EIF3E: variants seen among roughly 807,000 people sequenced by gnomAD.
EIF3E encodes the protein eIF-3 p48.
EIF3E carries 25 observed loss-of-function variants against 59.3 expected under a neutral mutation model. The observed-to-expected ratio is 0.42, with a 90% CI of 0.31 to 0.59. The LOEUF is 0.59. Among genes scored for constraint, EIF3E ranks in the 20% least tolerant of loss-of-function variants. The pLI is 0.15. For missense variants in EIF3E, 317 were observed against 534.3 expected (o/e 0.59, Z 4.01); for synonymous variants, 176 against 170.2 (o/e 1.03, Z -0.26).
intron 12 of EIF3E, 102 bp from the exon 13 acceptor site, chr8:108,202,025 C>CCTG: frequency 9.1e-7 from 1 of 1,103,026 alleles, no homozygotes; most frequent in Non-Finnish European, 1.2e-6. Context: ...GCACTATAGT[C>CCTG]TCTTGCCAAA....
intron 7 of EIF3E, among the ~76,000 whole-genome samples, chr8:108,218,576 T>C (rs1815346230): frequency 6.6e-6 from 1 of 152,070 alleles, no homozygotes; most frequent in Non-Finnish European, 1.5e-5. Flanking sequence ...ATAAATAATT[T>C]CTAGGAAAAG....
chr8:108,222,153 C>T (rs1228578715), intron 7 of EIF3E, among the ~76,000 whole-genome samples: 1 of 131,176 alleles, frequency 7.6e-6, no homozygotes, highest in East Asian at 2.3e-4. Context: ...AACCATCCTC[C>T]TGCCCCAACC....
intron 2 of EIF3E, among the ~76,000 whole-genome samples, chr8:108,240,792 C>A (rs1033208332): frequency 1.3e-5 from 2 of 152,116 alleles, no homozygotes; most frequent in Non-Finnish European, 2.9e-5. Flanking sequence ...CCAGCCTGGC[C>A]AATATGGTGA....
intron 10 of EIF3E, among the ~76,000 whole-genome samples, chr8:108,209,346 G>T (rs1044163704): frequency 6.6e-6 from 1 of 152,016 alleles, no homozygotes; most frequent in African/African-American, 2.4e-5. Flanking sequence ...ATTTCATTTG[G>T]AGAGTTATCA....
At chr8:108,243,745 T>C (rs1206355608) in intron 1 of EIF3E, among the ~76,000 whole-genome samples, 2 of 151,982 alleles carry the variant, frequency 1.3e-5, no homozygotes, top group Non-Finnish European at 2.9e-5. Flanking sequence ...ATATGTATCA[T>C]TGACCAGTAC....
chr8:108,238,951 C>A (rs1815786792), intron 3 of EIF3E, among the ~76,000 whole-genome samples: 1 of 152,206 alleles, frequency 6.6e-6, no homozygotes, highest in Non-Finnish European at 1.5e-5. Context: ...ACATGTACTA[C>A]GTCAGACTAA....
intron 11 of EIF3E, 47 bp downstream of exon 11, chr8:108,203,354 T>A: frequency 6.6e-7 from 1 of 1,525,574 alleles, no homozygotes; most frequent in Non-Finnish European, 9.0e-7. Context: ...TTCCCAAAAG[T>A]ATAATCAGGA....
chr8:108,238,902 T>G (rs1263852604), intron 3 of EIF3E, among the ~76,000 whole-genome samples: 1 of 152,234 alleles, frequency 6.6e-6, no homozygotes, highest in Admixed American at 6.5e-5. Context: ...AGATTTTATT[T>G]TTAAATGTTT....
intron 10 of EIF3E, among the ~76,000 whole-genome samples, chr8:108,212,540 G>A (rs1345145655): frequency 3.3e-5 from 5 of 152,172 alleles, no homozygotes; most frequent in Admixed American, 2.6e-4. Flanking sequence ...AGTGGCTCAC[G>A]CCTGTAATCC....
At chr8:108,212,036 T>C (rs1815219450) in intron 10 of EIF3E, among the ~76,000 whole-genome samples, 1 of 152,226 alleles carries the variant, frequency 6.6e-6, no homozygotes, top group African/African-American at 2.4e-5. Context: ...GAATGTCAGA[T>C]ACCTTTAGTA....
intron 2 of EIF3E, among the ~76,000 whole-genome samples, 187 bp downstream of exon 2, chr8:108,241,612 T>C (rs1269610281): frequency 6.6e-6 from 1 of 152,206 alleles, no homozygotes. Context: ...TAGTTCCACA[T>C]CTTTCACAGG....
At chr8:108,244,756 C>T (rs997287351) in intron 1 of EIF3E, among the ~76,000 whole-genome samples, 1 of 151,948 alleles carries the variant, frequency 6.6e-6, no homozygotes, top group African/African-American at 2.4e-5. Flanking sequence ...TTGATTCTTT[C>T]AAACTAATTT....
chr8:108,222,395 T>A (rs967871516), intron 7 of EIF3E, among the ~76,000 whole-genome samples: 10 of 152,152 alleles, frequency 6.6e-5, no homozygotes, highest in Non-Finnish European at 1.3e-4. Flanking sequence ...AAGTGATCCA[T>A]CCTGTATATA....
chr8:108,221,430 G>A (rs1455788025), intron 7 of EIF3E: 1 of 152,152 alleles, frequency 6.6e-6, no homozygotes, highest in Non-Finnish European at 1.5e-5. Context: ...TTGAGAACAT[G>A]TGACAGTTGT....
chr8:108,247,127 G>C (rs570393916), intron 1 of EIF3E, among the ~76,000 whole-genome samples: 5 of 152,118 alleles, frequency 3.3e-5, no homozygotes, highest in African/African-American at 1.2e-4. Context: ...GTGGGTATTG[G>C]GCAGTTTTTC....
At chr8:108,228,428 A>G in intron 6 of EIF3E, 37 bp from the exon 7 acceptor site, 1 of 1,378,506 alleles carries the variant, frequency 7.3e-7, no homozygotes, top group Non-Finnish European at 9.5e-7. Flanking sequence ...AAAAATATTA[A>G]TATATAAGAA....
intron 2 of EIF3E, among the ~76,000 whole-genome samples, chr8:108,241,157 GA>G (rs1815828083): frequency 6.6e-6 from 1 of 152,060 alleles, no homozygotes; most frequent in South Asian, 2.1e-4. Flanking sequence ...CTGAAACACA[GA>G]AGATCTATGA....
chr8:108,214,741 TTAA>T, intron 9 of EIF3E, 25 bp from the exon 10 acceptor site: 1 of 1,571,736 alleles, frequency 6.4e-7, no homozygotes, highest in Non-Finnish European at 8.6e-7. Context: ...ACAACAAAAA[TTAA>T]TGATGCTGAC....
intron 1 of EIF3E, among the ~76,000 whole-genome samples, chr8:108,244,622 A>C (rs1815910185): frequency 6.6e-6 from 1 of 152,108 alleles, no homozygotes; most frequent in Non-Finnish European, 1.5e-5. Context: ...TTACCATTAA[A>C]ATCTTCATCA....
Sources: allele counts gnomAD v4.1 joint callset (sites outside exome capture counted in the v4.1 genomes callset), GRCh38; gene constraint gnomAD v4.1.1; transcripts MANE v1.5; gene names NCBI Gene and HGNC (gene_info 2026-07-23, HGNC 2026-07-21).